Variants in MTUS2 observed in about 807,000 individuals in gnomAD.
The protein encoded by MTUS2 is microtubule associated scaffold protein 2.
Under a neutral mutation model 114.1 loss-of-function variants are expected in MTUS2, and 40 were observed. That is an observed-to-expected ratio of 0.35 (90% CI 0.27 to 0.46). MTUS2 has a LOEUF of 0.46. MTUS2 is among the 20% of genes least tolerant of loss of function. The probability of loss-of-function intolerance (pLI) is 1.00; values close to 1 mark genes in which losing one functional copy is unlikely to be tolerated. For missense variants in MTUS2, 1,679 were observed against 1,705.4 expected, an observed-to-expected ratio of 0.98 and a Z score of 0.27; for synonymous variants, 688 against 672.0, an observed-to-expected ratio of 1.02 and a Z score of -0.37.
intron 5 of MTUS2, among the ~76,000 whole-genome samples, chr13:29,171,924 C>T (rs755316984): frequency 5.3e-5 from 8 of 152,184 alleles, no homozygotes; most frequent in Non-Finnish European, 1.0e-4. Context: ...GTTCTACTTA[C>T]GTCTCCTGAG....
At chr13:28,869,890 A>C (rs1452641185) in intron 2 of MTUS2, among the ~76,000 whole-genome samples, 1 of 152,198 alleles carries the variant, frequency 6.6e-6, no homozygotes, top group East Asian at 1.9e-4. Context: ...CAGATATTTA[A>C]ATTAAGATGT....
chr13:28,855,159 A>G (rs1047101594), intron 2 of MTUS2, among the ~76,000 whole-genome samples: 4 of 151,948 alleles, frequency 2.6e-5, no homozygotes, highest in Non-Finnish European at 4.4e-5. Context: ...TGATATGCCG[A>G]TACGAATTGT....
chr13:29,042,162 G>C (rs1240038857), intron 4 of MTUS2, among the ~76,000 whole-genome samples: 1 of 151,998 alleles, frequency 6.6e-6, no homozygotes, highest in African/African-American at 2.4e-5. Flanking sequence ...TTTGCTGAGG[G>C]TTTTAATCAT....
At chr13:29,259,047 T>C (rs375692150) in intron 5 of MTUS2, among the ~76,000 whole-genome samples, 2 of 152,244 alleles carry the variant, frequency 1.3e-5, no homozygotes, top group East Asian at 3.9e-4. Flanking sequence ...GAATAATAGA[T>C]ACTTTTACTT....
chr13:29,050,503 G>A (rs913494), intron 4 of MTUS2, among the ~76,000 whole-genome samples: 88,377 of 151,852 alleles, frequency 0.58, 26,059 homozygotes, highest in South Asian at 0.74. Flanking sequence ...TCTGGAGCCT[G>A]TCTCTTTCTC....
At chr13:29,075,556 A>G (rs768351825) in intron 4 of MTUS2, among the ~76,000 whole-genome samples, 1 of 152,222 alleles carries the variant, frequency 6.6e-6, no homozygotes, top group Admixed American at 6.5e-5. Flanking sequence ...TCTGCTATGA[A>G]TATTACTGGA....
At chr13:28,941,918 T>C (rs774822287) in intron 2 of MTUS2, among the ~76,000 whole-genome samples, 4 of 152,226 alleles carry the variant, frequency 2.6e-5, no homozygotes, top group Non-Finnish European at 4.4e-5. Flanking sequence ...CACTGAGTTA[T>C]GCAGATCTTT....
chr13:28,957,387 A>G (rs1256542040), intron 2 of MTUS2, among the ~76,000 whole-genome samples: 1 of 152,208 alleles, frequency 6.6e-6, no homozygotes, highest in Non-Finnish European at 1.5e-5. Context: ...TTATTCTATT[A>G]CATTTTGGTC....
chr13:28,828,913 C>T (rs139848796), intron 1 of MTUS2, among the ~76,000 whole-genome samples: 43 of 152,112 alleles, frequency 2.8e-4, no homozygotes, highest in African/African-American at 9.6e-4. Context: ...TTTAATATTT[C>T]GTTCATCATG....
intron 5 of MTUS2, among the ~76,000 whole-genome samples, chr13:29,210,904 C>T (rs1173218702): frequency 1.3e-5 from 2 of 152,086 alleles, no homozygotes; most frequent in African/African-American, 2.4e-5. Flanking sequence ...TGGTTGGCCT[C>T]CAGCCAGGAG....
At chr13:28,872,363 A>C (rs1463081538) in intron 2 of MTUS2, among the ~76,000 whole-genome samples, 1 of 152,200 alleles carries the variant, frequency 6.6e-6, no homozygotes, top group East Asian at 1.9e-4. Context: ...GAATACTTGG[A>C]GAATAATAGG....
intron 5 of MTUS2, among the ~76,000 whole-genome samples, chr13:29,231,391 G>A (rs7982077): frequency 0.83 from 125,557 of 152,154 alleles, 51,838 homozygotes; most frequent in East Asian, 0.89. Context: ...CCATTTCTTC[G>A]GTCACACCAA....
chr13:29,257,396 C>T (rs1181097530), intron 5 of MTUS2, among the ~76,000 whole-genome samples: 1 of 152,140 alleles, frequency 6.6e-6, no homozygotes, highest in South Asian at 2.1e-4. Context: ...GAATAGTTTC[C>T]TGTGGTTTTG....
At chr13:29,423,475 G>C (rs1876270241) in intron 8 of MTUS2, among the ~76,000 whole-genome samples, 1 of 152,232 alleles carries the variant, frequency 6.6e-6, no homozygotes, top group South Asian at 2.1e-4. Flanking sequence ...AGGTAGACGA[G>C]TGAGTTGTGC....
At chr13:28,996,293 C>A (rs566542085) in intron 2 of MTUS2, among the ~76,000 whole-genome samples, 6 of 152,186 alleles carry the variant, frequency 3.9e-5, no homozygotes, top group African/African-American at 1.4e-4. Context: ...AGCTGGATTC[C>A]GTTTGCCAGT....
chr13:28,868,411 G>A (rs931012384), intron 2 of MTUS2, among the ~76,000 whole-genome samples: 3 of 152,118 alleles, frequency 2.0e-5, no homozygotes, highest in Non-Finnish European at 4.4e-5. Context: ...CTGGGTTGGC[G>A]CCACAGCCTC....
chr13:28,872,533 G>A (rs1333770134), intron 2 of MTUS2, among the ~76,000 whole-genome samples: 1 of 152,160 alleles, frequency 6.6e-6, no homozygotes, highest in Non-Finnish European at 1.5e-5. Flanking sequence ...GGAAGACTGG[G>A]CATCTGGTGA....
At chr13:29,099,314 T>G (rs954213364) in intron 4 of MTUS2, among the ~76,000 whole-genome samples, 16 of 152,324 alleles carry the variant, frequency 1.1e-4, no homozygotes, top group African/African-American at 3.1e-4. Context: ...GCTCTTTGCT[T>G]CTTTTTCCTT....
At chr13:28,841,677 T>G (rs901831675) in intron 2 of MTUS2, among the ~76,000 whole-genome samples, 3 of 148,000 alleles carry the variant, frequency 2.0e-5, no homozygotes, top group East Asian at 1.9e-4. Context: ...TGTGTGTGTG[T>G]TTTTTTTTGT....
Sources: gnomAD v4.1 joint callset for allele counts (sites outside exome capture counted in the v4.1 genomes callset) on GRCh38, gnomAD v4.1.1 for gene constraint, MANE v1.5 for transcripts, NCBI Gene and HGNC (gene_info 2026-07-23, HGNC 2026-07-21) for gene names.